The following LAMA5 variants were observed in gnomAD, a reference collection of about 807,000 sequenced individuals.
LAMA5 encodes the protein laminin subunit alpha 5.
A neutral mutation model predicts 433.4 loss-of-function variants in LAMA5; 260 were observed. That is an observed-to-expected ratio of 0.60 (90% CI 0.54 to 0.66). The LOEUF is 0.66. Among genes scored for constraint, LAMA5 ranks in the 30% least tolerant of loss-of-function variants. The pLI is 0.00. For synonymous variants in LAMA5, 2,620 were observed against 2,226.6 expected, an observed-to-expected ratio of 1.18 and a Z score of -4.97; for missense variants, 5,378 against 5,258.5, an observed-to-expected ratio of 1.02 and a Z score of -0.70.
chr20:62,332,585 G>A lies in LAMA5; in HGVS notation c.3415C>T (p.Leu1139=). 6.3e-7 allele frequency: 1 copy of A among 1,593,370 alleles called. No individual in the cohort carries two copies. Among genetic ancestry groups the A allele is most frequent in the Non-Finnish European group, 8.6e-7 (1 of 1,168,060 alleles). The change falls in exon 27 of 80, where the codon CTG becomes TTG. Residue 1139 remains leucine, a synonymous_variant. Transcript: ENST00000252999. ...HTPQRAPQQG[L]LSLHPCLYST... ...TACAGGCAGGGGTGCAGGGAGAGCA[G>A]CCCCTGCTGGGGGGCCCGCTGTGGG...
rs760712239 is a variant in LAMA5 at position 62,324,222 on chromosome 20, G to C, written c.5644-18C>G. Reference sequence around the variant, plus strand: ...TGGCAGTCCTGGGGCAGAGTGGACAGTCAGAGCTATGGTGGACACCCACAT... The same window carrying C: ...TGGCAGTCCTGGGGCAGAGTGGACACTCAGAGCTATGGTGGACACCCACAT... On this transcript the variant is annotated intron_variant, in intron 42 of 79. Transcript: ENST00000252999. The surrounding 1 kb of genome is among the most constrained non-coding windows in gnomAD (Gnocchi z 4.4). The C allele has an allele frequency of 6.3e-7, 1 of 1,578,322 alleles. No individual in the cohort carries two copies. Among genetic ancestry groups the C allele is most frequent in the South Asian group, 1.2e-5 (1 of 85,754 alleles).
intron 2 of LAMA5, 42 bp downstream of exon 2, chr20:62,362,358 A>G: frequency 1.4e-6 from 2 of 1,430,284 alleles, no homozygotes; most frequent in Non-Finnish European, 9.2e-7. Flanking sequence ...ACGGGCACAG[A>G]CACAGAGATG....
chr20:62,332,950 A>AGGAGGCAGGAGGCT, intron 26 of LAMA5, 140 bp downstream of exon 26: 1 of 1,159,006 alleles, frequency 8.6e-7, no homozygotes, highest in Non-Finnish European at 1.2e-6. Flanking sequence ...GGCAGGAGGC[A>AGGAGGCAGGAGGCT]GGGGCGCCCT....
intron 3 of LAMA5, among the ~76,000 whole-genome samples, chr20:62,352,800 A>G (rs1434259655): frequency 6.6e-6 from 1 of 152,102 alleles, no homozygotes; most frequent in Non-Finnish European, 1.5e-5. Flanking sequence ...CTCTTGACGC[A>G]GGTGGCTAGG....
intron 11 of LAMA5, among the ~76,000 whole-genome samples, chr20:62,339,058 C>T (rs1156822234): frequency 6.7e-6 from 1 of 149,060 alleles, no homozygotes; most frequent in Non-Finnish European, 1.5e-5. Context: ...AAAATTCCAA[C>T]AAGGGAGAGG....
intron 72 of LAMA5, 35 bp from the exon 73 acceptor site, chr20:62,311,342 A>G (rs41307207): frequency 0.02 from 30,724 of 1,524,188 alleles, 361 homozygotes; most frequent in Non-Finnish European, 0.023. Flanking sequence ...GGGGCCGCCC[A>G]CACAGGGGCC....
intron 31 of LAMA5, among the ~76,000 whole-genome samples, 170 bp from the exon 32 acceptor site, chr20:62,330,086 G>T (rs1443382309): frequency 6.6e-6 from 1 of 152,252 alleles, no homozygotes; most frequent in African/African-American, 2.4e-5. Flanking sequence ...TGTCACGGGG[G>T]TTGGCCGCAT....
chr20:62,360,923 C>G (rs1986059406), intron 2 of LAMA5, among the ~76,000 whole-genome samples: 1 of 152,120 alleles, frequency 6.6e-6, no homozygotes. Flanking sequence ...GTCCGAGTGT[C>G]AGTCCCGGCT....
At chr20:62,347,119 C>T (rs1601397120) in intron 6 of LAMA5, 91 bp from the exon 7 acceptor site, 11 of 984,362 alleles carry the variant, frequency 1.1e-5, no homozygotes, top group African/African-American at 3.2e-5. Context: ...GTGATCCCCT[C>T]GATGGCTTGG....
rs538346492 is a variant in LAMA5 at position 62,327,566 on chromosome 20, G to A, written c.4901C>T (p.Thr1634Met). Residue 1634 changes from threonine to methionine, a missense_variant, in exon 37 of 80, where the codon ACG (threonine) becomes ATG (methionine). By Grantham distance (81) the Thr-to-Met change is moderately conservative. Coordinates refer to ENST00000252999, the MANE Select transcript of LAMA5 (RefSeq NM_005560.6). ...GTAGGACGAGCTCCGGCAGCGCTCC[G>A]TGGCCCCAAAGCAGAAGCAGCGGGT... is the stretch of plus-strand genomic sequence containing the variant. ...GCTRCFCFGA[T>M]ERCRSSSYTR... The A allele has an allele frequency of 2.3e-5, 37 of 1,612,876 alleles. No homozygotes were observed. Among genetic ancestry groups the A allele is most frequent in the South Asian group, 5.5e-5 (5 of 91,076 alleles).
At chr20:62,337,055 GAC>G (rs1404928725) in intron 16 of LAMA5, 26 of 655,068 alleles carry the variant, frequency 4.0e-5, no homozygotes, top group African/African-American at 1.4e-4. Flanking sequence ...CGCAGTGTGT[GAC>G]ACACGTCTGA....
chr20:62,310,335 GA>G, intron 76 of LAMA5, 24 bp from the exon 77 acceptor site: 1 of 1,581,596 alleles, frequency 6.3e-7, no homozygotes, highest in Non-Finnish European at 8.6e-7. Flanking sequence ...TTGTGATGGA[GA>G]AGAAAGGGGG....
intron 1 of LAMA5, among the ~76,000 whole-genome samples, chr20:62,363,589 C>T (rs969238466): frequency 8.5e-5 from 13 of 152,062 alleles, no homozygotes; most frequent in Admixed American, 4.6e-4. Context: ...GCTGCTCCCC[C>T]GCCCCCCCAG....
In LAMA5 at chr20:62,324,618, C is replaced by G; in HGVS notation, c.5530-64G>C. ...AGGACGAGGGGCCCCACCCTGCAAGCTCACAAGTCAGACCCTCAGGGATCC... is the reference window on the plus strand; with the variant it reads ...AGGACGAGGGGCCCCACCCTGCAAGGTCACAAGTCAGACCCTCAGGGATCC... On this transcript the variant is annotated intron_variant, in intron 41 of 79. Coordinates refer to ENST00000252999, the MANE Select transcript of LAMA5 (RefSeq NM_005560.6). This position sits in a 1 kb window ranked among gnomAD's most constrained non-coding sequence, Gnocchi z 4.4. The G allele has an allele frequency of 9.3e-7, 1 of 1,070,616 alleles. No individual in the cohort carries two copies. The allele number at this position is 1,070,616 out of a possible 1,614,324, so 66.3% of individuals were successfully genotyped here.
At chr20:62,310,333 G>C in intron 76 of LAMA5, 22 bp from the exon 77 acceptor site, 1 of 1,583,218 alleles carries the variant, frequency 6.3e-7, no homozygotes, top group Non-Finnish European at 8.6e-7. Flanking sequence ...GGTTGTGATG[G>C]AGAAGAAAGG....
intron 28 of LAMA5, 87 bp from the exon 29 acceptor site, chr20:62,331,216 TACGATGGGGGGGTGCAGGC>T (rs1980356173): frequency 1.7e-5 from 1 of 57,802 alleles, no homozygotes; most frequent in Non-Finnish European, 3.2e-5. Context: ...GTGCAGGCGG[TACGATGGGGGGGTGCAGGC>T]GGTACGATGG....
At chr20:62,358,234 G>A (rs1019496691) in intron 2 of LAMA5, among the ~76,000 whole-genome samples, 13 of 152,172 alleles carry the variant, frequency 8.5e-5, no homozygotes, top group African/African-American at 3.1e-4. Context: ...GCAGCCCCTT[G>A]GGCCGTGTCC....
intron 58 of LAMA5, among the ~76,000 whole-genome samples, chr20:62,315,492 C>G (rs1427738730): frequency 6.6e-6 from 1 of 152,076 alleles, no homozygotes; most frequent in African/African-American, 2.4e-5. Context: ...CTCTCCTGGG[C>G]TTGCTGGGAA....
intron 11 of LAMA5, among the ~76,000 whole-genome samples, chr20:62,341,100 G>T (rs1311144835): frequency 6.6e-6 from 1 of 151,452 alleles, no homozygotes; most frequent in East Asian, 1.9e-4. Context: ...AATAAAAGTC[G>T]TCACATTCTA....
Sources: gnomAD v4.1 joint callset for allele counts (sites outside exome capture counted in the v4.1 genomes callset) on GRCh38, gnomAD v4.1.1 for gene constraint, Gnocchi (gnomAD v3.1) non-coding constraint, MANE v1.5 for transcripts, NCBI Gene and HGNC (gene_info 2026-07-23, HGNC 2026-07-21) for gene names.